The following NEK11 variants were observed in gnomAD, a reference collection of about 807,000 sequenced individuals.
The protein encoded by NEK11 is NIMA related kinase 11, also known as serine/threonine-protein kinase Nek11.
Under a neutral mutation model 80.7 loss-of-function variants are expected in NEK11, and 72 were observed. That is an observed-to-expected ratio of 0.89 (90% CI 0.74 to 1.08). NEK11 has a LOEUF of 1.08. Ranked by LOEUF, NEK11 falls within the 50% of genes least tolerant of loss-of-function variation. The probability of loss-of-function intolerance (pLI) is 0.00; values close to 1 mark genes in which losing one functional copy is unlikely to be tolerated. For synonymous variants in NEK11, 251 were observed against 260.7 expected, an observed-to-expected ratio of 0.96 and a Z score of 0.36; for missense variants, 764 against 763.6, an observed-to-expected ratio of 1.00 and a Z score of -0.01.
intron 14 of NEK11, among the ~76,000 whole-genome samples, chr3:131,226,280 C>T (rs979649882): frequency 6.6e-6 from 1 of 152,170 alleles, no homozygotes; most frequent in East Asian, 1.9e-4. Context: ...TCATACACTT[C>T]TCATGCTGTG....
At chr3:131,302,567 T>G (rs1177010601) in intron 17 of NEK11, among the ~76,000 whole-genome samples, 12 of 152,230 alleles carry the variant, frequency 7.9e-5, no homozygotes, top group Admixed American at 7.9e-4. Context: ...TCTCATTAGT[T>G]TCAAAGAATT....
At chr3:131,183,082 T>G (rs1429365759) in intron 14 of NEK11, among the ~76,000 whole-genome samples, 1 of 152,202 alleles carries the variant, frequency 6.6e-6, no homozygotes, top group African/African-American at 2.4e-5. Flanking sequence ...AACCTTTGTG[T>G]GTTTTTGACA....
chr3:131,103,339 T>C (rs2078685431), intron 4 of NEK11, among the ~76,000 whole-genome samples: 1 of 152,234 alleles, frequency 6.6e-6, no homozygotes, highest in African/African-American at 2.4e-5. Context: ...GTTAGTTGGC[T>C]TCATTTCTGG....
At chr3:131,148,115 G>A (rs910959174) in intron 7 of NEK11, among the ~76,000 whole-genome samples, 2 of 151,650 alleles carry the variant, frequency 1.3e-5, no homozygotes, top group Non-Finnish European at 2.9e-5. Context: ...TTTTGCATCA[G>A]TTGAGATGGT....
chr3:131,151,735 A>AT (rs2089684550), intron 7 of NEK11, among the ~76,000 whole-genome samples: 2 of 151,788 alleles, frequency 1.3e-5, no homozygotes, highest in African/African-American at 4.8e-5. Context: ...TATTTAAAAT[A>AT]TTTTCCGGCT....
chr3:131,162,202 A>C (rs2091682918), intron 10 of NEK11, among the ~76,000 whole-genome samples: 1 of 152,254 alleles, frequency 6.6e-6, no homozygotes, highest in South Asian at 2.1e-4. Flanking sequence ...AATTTCCTTT[A>C]AACAAAAATC....
chr3:131,167,445 A>G (rs958537927), intron 12 of NEK11, among the ~76,000 whole-genome samples: 1 of 152,224 alleles, frequency 6.6e-6, no homozygotes, highest in Non-Finnish European at 1.5e-5. Context: ...CTTAAATATT[A>G]GTGTCTGATA....
intron 14 of NEK11, among the ~76,000 whole-genome samples, chr3:131,177,583 A>T (rs1290386463): frequency 6.6e-6 from 1 of 152,164 alleles, no homozygotes; most frequent in African/African-American, 2.4e-5. Flanking sequence ...ACGTGAGAAG[A>T]TGTCTCCTAC....
At chr3:131,142,256 G>A (rs1274805170) in intron 7 of NEK11, among the ~76,000 whole-genome samples, 7 of 152,186 alleles carry the variant, frequency 4.6e-5, no homozygotes, top group Non-Finnish European at 1.0e-4. Flanking sequence ...TGTGGGGGAA[G>A]GGAAAAAGAA....
chr3:131,333,133 C>T (rs1265241287), intron 17 of NEK11, among the ~76,000 whole-genome samples: 1 of 152,144 alleles, frequency 6.6e-6, no homozygotes, highest in Non-Finnish European at 1.5e-5. Context: ...AAAGATACTC[C>T]TCAAGAAGAG....
intron 3 of NEK11, among the ~76,000 whole-genome samples, chr3:131,050,097 T>G (rs1577445095): frequency 6.6e-6 from 1 of 152,248 alleles, no homozygotes; most frequent in East Asian, 1.9e-4. Flanking sequence ...CTCAAGCTCC[T>G]GCTTTGCCAT....
chr3:131,120,793 G>A (rs1053866913), intron 5 of NEK11, among the ~76,000 whole-genome samples: 9 of 152,166 alleles, frequency 5.9e-5, no homozygotes, highest in East Asian at 3.9e-4. Context: ...TTGTGCATGC[G>A]TCACATAGTT....
chr3:131,052,775 C>G (rs1025818828), intron 3 of NEK11, among the ~76,000 whole-genome samples: 5 of 152,142 alleles, frequency 3.3e-5, no homozygotes, highest in Non-Finnish European at 7.4e-5. Flanking sequence ...ACCCTCTGAC[C>G]TAAAGCCCTA....
chr3:131,098,330 C>A (rs145736354), intron 4 of NEK11, among the ~76,000 whole-genome samples: 120 of 152,322 alleles, frequency 7.9e-4, no homozygotes, highest in Middle Eastern at 3.4e-3. Context: ...TAAAGAGTTT[C>A]TGCACAGCAA....
At position 131,348,826 on chromosome 3, in the gene NEK11, G is replaced by A. The variant is rs111775197; in HGVS notation, c.1719-731G>A. Among the ~76,000 whole-genome samples, 371 of 151,818 alleles carry A rather than the reference G, an allele frequency of 2.4e-3. 2 individuals are homozygous for A. Among genetic ancestry groups the A allele is most frequent in the Non-Finnish European group, 4.0e-3 (271 of 67,956 alleles). On this transcript the variant is annotated intron_variant, in intron 17 of 17. Transcript: ENST00000383366. ...CTCAGTTTCTTCATCTGTAAAATAG[G>A]GATTTAAAAAATTGCCTCCTTCGTA...
chr3:131,114,605 C>A (rs560067317), intron 5 of NEK11, among the ~76,000 whole-genome samples: 2 of 152,278 alleles, frequency 1.3e-5, no homozygotes, highest in South Asian at 2.1e-4. Context: ...GCTCACATGT[C>A]ATTAACCAGA....
chr3:131,335,312 A>G (rs1183921625), intron 17 of NEK11, among the ~76,000 whole-genome samples: 1 of 152,260 alleles, frequency 6.6e-6, no homozygotes, highest in Non-Finnish European at 1.5e-5. Flanking sequence ...GGCTGGTTCA[A>G]TATATGCAAA....
intron 3 of NEK11, among the ~76,000 whole-genome samples, chr3:131,040,101 A>G (rs1400933242): frequency 6.6e-6 from 1 of 152,210 alleles, no homozygotes; most frequent in Non-Finnish European, 1.5e-5. Context: ...AGCAGTTAAT[A>G]TTGTGTGACC....
chr3:131,087,124 C>G (rs1023780317), intron 4 of NEK11, among the ~76,000 whole-genome samples: 2 of 152,114 alleles, frequency 1.3e-5, no homozygotes, highest in African/African-American at 4.8e-5. Context: ...ACTCACCCCC[C>G]TTTCCTCCCT....
Sources: allele counts gnomAD v4.1 joint callset (sites outside exome capture counted in the v4.1 genomes callset), GRCh38; gene constraint gnomAD v4.1.1; transcripts MANE v1.5; gene names NCBI Gene and HGNC (gene_info 2026-07-23, HGNC 2026-07-21).